Variants in ZNF606 observed in about 807,000 individuals in gnomAD.
ZNF606 encodes the protein zinc finger protein 606.
In ZNF606, 37 loss-of-function variants were observed where a neutral mutation model predicts 74.9. The observed-to-expected ratio is 0.49, with a 90% CI of 0.38 to 0.65. The LOEUF (loss-of-function observed/expected upper bound fraction) is 0.65, where lower values mean the gene tolerates loss of function less well. Among genes scored for constraint, ZNF606 ranks in the 30% least tolerant of loss-of-function variants. The pLI is 0.00. For synonymous variants in ZNF606, 328 were observed against 312.4 expected (o/e 1.05, Z -0.53); for missense variants, 852 against 952.9 (o/e 0.89, Z 1.39).
chr19:57,988,532 A>C, intron 5 of ZNF606, 63 bp downstream of exon 5: 1 of 1,566,894 alleles, frequency 6.4e-7, no homozygotes, highest in South Asian at 1.2e-5. Flanking sequence ...GCTTCTAAAC[A>C]TGGAGCAGCT....
rs2073036735 is a variant in ZNF606 at position 57,979,091 on chromosome 19, T to C, written c.1589A>G (p.His530Arg). ...TTTCTCTCCAGTATGCATTCTCATATGGGCAATAAGATGGGAGCTCCAGCT... is the reference window on the plus strand; with the variant it reads ...TTTCTCTCCAGTATGCATTCTCATACGGGCAATAAGATGGGAGCTCCAGCT... ...SFSWSSHLIA[H>R]MRMHTGEKPF... The change falls in exon 7 of 7, where the codon CAT becomes CGT. Residue 530 changes from histidine (H) to arginine (R), a missense_variant. Physicochemically the swap from His to Arg is conservative, Grantham distance 29. This residue lies in a region of ZNF606 where 243 missense variants were observed against 359.2 expected (regional missense o/e 0.68). Coordinates refer to ENST00000551380, the MANE Select transcript of ZNF606 (RefSeq NM_001348022.3). 3.1e-6 allele frequency: 5 copies of C among 1,614,212 alleles called. No homozygotes were observed. Among genetic ancestry groups the C allele is most frequent in the Non-Finnish European group, 4.2e-6 (5 of 1,180,042 alleles).
intron 4 of ZNF606, among the ~76,000 whole-genome samples, chr19:57,995,612 A>G (rs2073327367): frequency 6.6e-6 from 1 of 152,196 alleles, no homozygotes; most frequent in African/African-American, 2.4e-5. Context: ...TGAGGACAGG[A>G]GTTTGAGACT....
intron 6 of ZNF606, 89 bp downstream of exon 6, chr19:57,988,118 A>G (rs2073192762): frequency 1.0e-6 from 1 of 977,250 alleles, no homozygotes; most frequent in Non-Finnish European, 1.5e-6. Context: ...AATGCATCTG[A>G]GGAAGGTAAC....
rs2073042722 is a variant in ZNF606 at position 57,979,360 on chromosome 19, G to A, written c.1320C>T (p.Arg440=). 2 of 1,613,042 alleles carry A rather than the reference G, an allele frequency of 1.2e-6. No individual in the cohort carries two copies. The highest frequency in any genetic ancestry group is 1.1e-5 in the South Asian group (1 of 90,946). ...TCCGTTCATGTTTCGTAAGGGCTGA[G>A]CGATTCCTAAAAACTTTTCCACATT... ...CDKCGKVFRN[R]SALTKHERTH... is the part of the protein sequence containing the mutation. The change falls in exon 7 of 7, where the codon CGC becomes CGT. Residue 440 remains arginine (R), a synonymous_variant. Coordinates refer to ENST00000551380, the MANE Select transcript of ZNF606 (RefSeq NM_001348022.3).
chr19:57,990,502 T>G (rs2073241769), intron 4 of ZNF606, among the ~76,000 whole-genome samples: 1 of 138,384 alleles, frequency 7.2e-6, no homozygotes, highest in African/African-American at 2.8e-5. Context: ...ATCGTAGTAC[T>G]GCACTCCAAA....
Position 57,999,795 on chromosome 19 carries a change from A to C in ZNF606, c.177+13T>G, listed in dbSNP as rs754444240. On this transcript the variant is annotated intron_variant, in intron 4 of 6. Transcript: ENST00000551380. The stretch of plus-strand genomic sequence containing the variant: ...GGACATCATCCTCTGGGAACAGGAC[A>C]GCCCCATCTCACCTGAACCTGGGCT... 3 of 1,613,522 alleles carry C rather than the reference A, an allele frequency of 1.9e-6. No homozygotes were observed. In the East Asian group the frequency reaches 6.7e-5, roughly 36 times the overall value.
intron 6 of ZNF606, among the ~76,000 whole-genome samples, chr19:57,986,997 G>C (rs1191840741): frequency 6.6e-6 from 1 of 152,004 alleles, no homozygotes; most frequent in Non-Finnish European, 1.5e-5. Context: ...GGCTGAGGTG[G>C]GAGGACTGCC....
chr19:57,984,469 C>T (rs1476628663), intron 6 of ZNF606, among the ~76,000 whole-genome samples: 1 of 152,162 alleles, frequency 6.6e-6, no homozygotes, highest in African/African-American at 2.4e-5. Flanking sequence ...AGATTCTCCA[C>T]AAAAGTCCCC....
intron 5 of ZNF606, 33 bp downstream of exon 5, chr19:57,988,562 C>A (rs1305445061): frequency 6.2e-7 from 1 of 1,600,664 alleles, no homozygotes; most frequent in South Asian, 1.1e-5. Flanking sequence ...ACCATGGGAA[C>A]AGCTTCGTTT....
At position 57,979,364 on chromosome 19, in the gene ZNF606, T is replaced by A; in HGVS notation, c.1316A>T (p.Asn439Ile). 2.5e-6 allele frequency: 4 copies of A among 1,613,022 alleles called. No individual in the cohort carries two copies. Among genetic ancestry groups the A allele is most frequent in the Non-Finnish European group, 3.4e-6 (4 of 1,179,444 alleles). ...TTCATGTTTCGTAAGGGCTGAGCGA[T>A]TCCTAAAAACTTTTCCACATTTATC... Reference protein sequence around the residue: ...ECDKCGKVFRNRSALTKHERT... With the variant: ...ECDKCGKVFRIRSALTKHERT... Residue 439 changes from asparagine to isoleucine, a missense_variant, in exon 7 of 7, where the codon AAT becomes ATT. Asn to Ile is a moderately radical substitution (Grantham distance 149). Coordinates refer to ENST00000551380, the MANE Select transcript of ZNF606 (RefSeq NM_001348022.3).
At chr19:58,000,659 C>T in intron 3 of ZNF606, 24 bp downstream of exon 3, 2 of 1,613,848 alleles carry the variant, frequency 1.2e-6, no homozygotes, top group Non-Finnish European at 8.5e-7. Context: ...TGGCAGCCCA[C>T]AGCTGACCAG....
intron 4 of ZNF606, among the ~76,000 whole-genome samples, chr19:57,993,511 G>A (rs1174612511): frequency 6.6e-6 from 1 of 152,202 alleles, no homozygotes; most frequent in African/African-American, 2.4e-5. Context: ...AGGCACCACG[G>A]TGAAGCAGGT....
intron 6 of ZNF606, 119 bp downstream of exon 6, chr19:57,988,088 G>C (rs2073192135): frequency 2.8e-6 from 2 of 708,356 alleles, no homozygotes; most frequent in Non-Finnish European, 4.5e-6. Context: ...AGAGAAGAAA[G>C]CTCCTTAGAG....
upstream of ZNF606, chr19:58,003,337 G>T (rs1348996076): frequency 2.2e-6 from 1 of 456,316 alleles, no homozygotes; most frequent in Non-Finnish European, 4.4e-6. Context: ...GACGCACCCT[G>T]TGAGTTTTCC....
chr19:57,997,842 T>C lies in ZNF606; in HGVS notation c.177+1966A>G, dbSNP rs952822436. ...TTAGGATTTAATAATGACTGTACATTGTAAGAGCAGCAAACCTCATAGTTG... is the reference window on the plus strand; with the variant it reads ...TTAGGATTTAATAATGACTGTACATCGTAAGAGCAGCAAACCTCATAGTTG... On this transcript the variant is annotated intron_variant, in intron 4 of 6. Transcript: ENST00000551380. The C allele has an allele frequency of 2.6e-5, 4 of 152,232 alleles. No individual in the cohort carries two copies. The East Asian group carries it at 7.7e-4, about 29-fold the overall frequency. 9.4% of individuals were successfully genotyped at this position (152,232 alleles called of 1,614,324 possible).
intron 6 of ZNF606, among the ~76,000 whole-genome samples, chr19:57,984,924 C>T (rs2073142226): frequency 6.6e-6 from 1 of 152,094 alleles, no homozygotes; most frequent in African/African-American, 2.4e-5. Flanking sequence ...GAAACCCCAA[C>T]TCTACTAAAA....
At chr19:57,992,676 G>A (rs761866346) in intron 4 of ZNF606, among the ~76,000 whole-genome samples, 8 of 152,218 alleles carry the variant, frequency 5.3e-5, no homozygotes, top group Non-Finnish European at 1.2e-4. Context: ...TATGATAAAG[G>A]TATTGTGGTT....
chr19:57,985,442 A>C (rs2073149754), intron 6 of ZNF606, among the ~76,000 whole-genome samples: 1 of 152,214 alleles, frequency 6.6e-6, no homozygotes, highest in African/African-American at 2.4e-5. Flanking sequence ...ATAGTGTTAC[A>C]AAACCTCTAG....
At chr19:57,994,022 A>T (rs949485383) in intron 4 of ZNF606, among the ~76,000 whole-genome samples, 6 of 152,256 alleles carry the variant, frequency 3.9e-5, no homozygotes, top group African/African-American at 1.2e-4. Flanking sequence ...GACTGAACTA[A>T]GTAGCCACAA....
Sources: gnomAD v4.1 joint callset for allele counts (sites outside exome capture counted in the v4.1 genomes callset) on GRCh38, gnomAD v4.1.1 for gene constraint, gnomAD v4.1.1 regional missense constraint, MANE v1.5 for transcripts, NCBI Gene and HGNC (gene_info 2026-07-23, HGNC 2026-07-21) for gene names.